SLC35F4: variants seen among roughly 807,000 people sequenced by gnomAD.
SLC35F4 encodes solute carrier family 35 member F4.
Under a neutral mutation model 44.2 loss-of-function variants are expected in SLC35F4, and 24 were observed. That is an observed-to-expected ratio of 0.54 (90% confidence interval 0.39 to 0.76). The LOEUF (loss-of-function observed/expected upper bound fraction) is 0.76, where lower values mean the gene tolerates loss of function less well. SLC35F4 is among the 30% of genes least tolerant of loss of function. SLC35F4 has a pLI of 0.00. For synonymous variants in SLC35F4, 238 were observed against 223.6 expected (o/e 1.06, Z -0.57); for missense variants, 562 against 586.1 (o/e 0.96, Z 0.42).
chr14:57,820,043 T>G (rs748444595), intron 1 of SLC35F4, among the ~76,000 whole-genome samples: 7 of 152,136 alleles, frequency 4.6e-5, no homozygotes, highest in Non-Finnish European at 8.8e-5. Flanking sequence ...ATTCAATAAA[T>G]ATACTGAAAC....
intron 1 of SLC35F4, among the ~76,000 whole-genome samples, chr14:57,793,987 G>A (rs1465102828): frequency 6.6e-6 from 1 of 152,102 alleles, no homozygotes; most frequent in African/African-American, 2.4e-5. Context: ...AATAAATGGT[G>A]CTGGGAAAAT....
intron 1 of SLC35F4, among the ~76,000 whole-genome samples, chr14:57,849,539 A>G (rs977939250): frequency 2.0e-5 from 3 of 152,218 alleles, no homozygotes; most frequent in African/African-American, 7.2e-5. Context: ...TGTAAAATAT[A>G]GTATTAATAT....
chr14:57,959,669 G>A (rs1890306156), intron 1 of SLC35F4, among the ~76,000 whole-genome samples: 1 of 152,116 alleles, frequency 6.6e-6, no homozygotes, highest in Admixed American at 6.6e-5. Flanking sequence ...CGAGACCTGT[G>A]ACCTTAGACA....
At chr14:57,925,040 C>T (rs917217401) in intron 1 of SLC35F4, among the ~76,000 whole-genome samples, 1 of 152,042 alleles carries the variant, frequency 6.6e-6, no homozygotes, top group African/African-American at 2.4e-5. Context: ...ACAGGCACAG[C>T]CATCATGCCT....
intron 1 of SLC35F4, among the ~76,000 whole-genome samples, chr14:57,719,387 T>C (rs1300629987): frequency 6.6e-6 from 1 of 152,218 alleles, no homozygotes; most frequent in Non-Finnish European, 1.5e-5. Context: ...AGAGATTGCA[T>C]TGAATCTGTA....
At chr14:57,774,157 G>A (rs999668538) in intron 1 of SLC35F4, among the ~76,000 whole-genome samples, 1 of 152,120 alleles carries the variant, frequency 6.6e-6, no homozygotes, top group African/African-American at 2.4e-5. Context: ...TCTTTAGAGG[G>A]AAGGCACTGA....
At chr14:57,835,012 G>A (rs952472947) in intron 1 of SLC35F4, among the ~76,000 whole-genome samples, 50 of 152,216 alleles carry the variant, frequency 3.3e-4, no homozygotes, top group African/African-American at 9.6e-4. Context: ...CTGGGTAACA[G>A]AGGGAGACTC....
At chr14:57,915,940 C>T (rs940574359) in intron 1 of SLC35F4, among the ~76,000 whole-genome samples, 56 of 152,226 alleles carry the variant, frequency 3.7e-4, no homozygotes, top group African/African-American at 1.4e-3. Context: ...CAAGTTCCAA[C>T]ACCACTCCCA....
chr14:57,820,229 A>T (rs942346519), intron 1 of SLC35F4, among the ~76,000 whole-genome samples: 2 of 152,166 alleles, frequency 1.3e-5, no homozygotes, highest in African/African-American at 4.8e-5. Flanking sequence ...AAACACATAC[A>T]CACACACAAA....
chr14:57,643,245 T>C (rs923509476), intron 1 of SLC35F4, among the ~76,000 whole-genome samples: 2 of 152,074 alleles, frequency 1.3e-5, no homozygotes, highest in African/African-American at 2.4e-5. Flanking sequence ...AGACTTGATA[T>C]GACATTTTCA....
intron 1 of SLC35F4, among the ~76,000 whole-genome samples, chr14:57,621,930 C>T (rs1229771412): frequency 1.3e-5 from 2 of 150,242 alleles, no homozygotes; most frequent in Non-Finnish European, 3.0e-5. Flanking sequence ...TGACAAAGGG[C>T]TAATAACTAG....
chr14:57,645,511 G>T (rs2073463143), intron 1 of SLC35F4, among the ~76,000 whole-genome samples: 1 of 151,994 alleles, frequency 6.6e-6, no homozygotes, highest in Admixed American at 6.6e-5. Context: ...TCAGCTTAAG[G>T]AGATTTTGGG....
intron 1 of SLC35F4, among the ~76,000 whole-genome samples, chr14:57,807,740 C>CT (rs903756514): frequency 6.6e-6 from 1 of 151,894 alleles, no homozygotes. Context: ...TTATTTATTA[C>CT]TTTTTTTCTA....
At chr14:57,615,659 T>G (rs2071773868) in intron 1 of SLC35F4, among the ~76,000 whole-genome samples, 1 of 152,252 alleles carries the variant, frequency 6.6e-6, no homozygotes, top group East Asian at 1.9e-4. Flanking sequence ...TGTCAACTAC[T>G]GCTTTAAGGA....
intron 1 of SLC35F4, among the ~76,000 whole-genome samples, chr14:57,722,466 A>G (rs1292441333): frequency 1.3e-5 from 2 of 152,174 alleles, no homozygotes; most frequent in Non-Finnish European, 2.9e-5. Context: ...TAGATTTGTG[A>G]GGCAGTACCT....
At chr14:57,764,220 G>A (rs903594740) in intron 1 of SLC35F4, among the ~76,000 whole-genome samples, 1 of 152,026 alleles carries the variant, frequency 6.6e-6, no homozygotes, top group African/African-American at 2.4e-5. Flanking sequence ...ATAGTAAATT[G>A]TTGTTTTTAA....
At chr14:57,933,276 G>A (rs1566932912) in intron 1 of SLC35F4, among the ~76,000 whole-genome samples, 2 of 152,054 alleles carry the variant, frequency 1.3e-5, no homozygotes, top group Admixed American at 6.5e-5. Context: ...GCCCACCTCG[G>A]CCTTCCAAAG....
chr14:57,973,138 G>T (rs191532672), downstream of SLC35F4, among the ~76,000 whole-genome samples: 9 of 152,212 alleles, frequency 5.9e-5, no homozygotes, highest in Admixed American at 5.9e-4. Context: ...TTGAGCTGGG[G>T]AGAGTTCAGG....
At chr14:57,663,542 G>T (rs2074207113) in intron 1 of SLC35F4, among the ~76,000 whole-genome samples, 1 of 152,264 alleles carries the variant, frequency 6.6e-6, no homozygotes, top group Non-Finnish European at 1.5e-5. Flanking sequence ...CAAGAGATTT[G>T]TCTTTATAGC....
Sources: gnomAD v4.1 joint callset for allele counts (sites outside exome capture counted in the v4.1 genomes callset) on GRCh38, gnomAD v4.1.1 for gene constraint, MANE v1.5 for transcripts, NCBI Gene and HGNC (gene_info 2026-07-23, HGNC 2026-07-21) for gene names.